NLGN4X: variants seen among roughly 807,000 people sequenced by gnomAD.
The protein encoded by NLGN4X is neuroligin 4 X-linked, also known as neuroligin-4, X-linked.
NLGN4X carries 3 observed loss-of-function variants against 40.3 expected under a neutral mutation model. The ratio of observed to expected loss-of-function variants is 0.07; its 90% CI spans 0.03 to 0.19. The LOEUF (loss-of-function observed/expected upper bound fraction) is 0.19, where lower values mean the gene tolerates loss of function less well. NLGN4X is among the 10% of genes least tolerant of loss of function. The probability of loss-of-function intolerance (pLI) is 1.00; values close to 1 mark genes in which losing one functional copy is unlikely to be tolerated. For synonymous variants in NLGN4X, 270 were observed against 306.8 expected, an observed-to-expected ratio of 0.88 and a Z score of 1.25; for missense variants, 382 against 708.3, an observed-to-expected ratio of 0.54 and a Z score of 5.23.
intron 2 of NLGN4X, among the ~76,000 whole-genome samples, chrX:6,076,802 G>T (rs1358342484): frequency 8.9e-6 from 1 of 112,245 alleles, no homozygotes; most frequent in African/African-American, 3.2e-5. Context: ...AATTCCTTGG[G>T]TCTTTACTAT....
rs771124404 is a variant in NLGN4X at position 5,891,560 on chromosome X, G to A, written c.*1257C>T. The A allele has an allele frequency of 7.3e-6, 2 of 273,999 alleles. No individual in the cohort carries two copies. The highest frequency in any genetic ancestry group is 2.9e-5 in the African/African-American group (1 of 35,020). The allele number at this position is 273,999 out of a possible 1,213,427, so 22.6% of individuals were successfully genotyped here. ...CGCAGCTGCTAGGGAACACAGAGCC[G>A]TATTTACTCCAAGGGGCATAGCCCC... On this transcript the variant is annotated 3_prime_UTR_variant, in exon 6 of 6. Transcript: ENST00000381095.
At chrX:5,898,017 C>T (rs1351562448) in intron 5 of NLGN4X, among the ~76,000 whole-genome samples, 1 of 99,026 alleles carries the variant, frequency 1.0e-5, no homozygotes, top group Non-Finnish European at 2.1e-5. Flanking sequence ...TTCCTTCCTC[C>T]CTCCCTTCCT....
chrX:5,971,773 T>C (rs2035026392), intron 3 of NLGN4X, among the ~76,000 whole-genome samples: 1 of 111,828 alleles, frequency 8.9e-6, no homozygotes, highest in African/African-American at 3.3e-5. Context: ...CTGGGTTTTA[T>C]ATGCAGCCTT....
chrX:5,954,642 C>G (rs1370793458), intron 3 of NLGN4X, among the ~76,000 whole-genome samples: 3 of 107,585 alleles, frequency 2.8e-5, no homozygotes, highest in East Asian at 2.9e-4. Flanking sequence ...CTGTCTCTCT[C>G]TCTCTCTCTC....
At chrX:6,045,191 T>A (rs1332075443) in intron 2 of NLGN4X, among the ~76,000 whole-genome samples, 1 of 112,262 alleles carries the variant, frequency 8.9e-6, no homozygotes, top group East Asian at 2.8e-4. Context: ...AAAATCAATA[T>A]ATTTGCAAAT....
chrX:5,973,242 T>C (rs754469544), intron 3 of NLGN4X, among the ~76,000 whole-genome samples: 1 of 112,345 alleles, frequency 8.9e-6, no homozygotes, highest in Admixed American at 9.4e-5. Flanking sequence ...AATACAGATT[T>C]ATTGGAAGAG....
At position 6,170,988 on chromosome X, in the gene NLGN4X, T is replaced by A. The variant is rs186434646; in HGVS notation, c.-305-19217A>T. Among the ~76,000 whole-genome samples the A allele has an allele frequency of 3.7e-3, 413 of 111,371 alleles. 1 individual carries two copies. Among genetic ancestry groups the A allele is most frequent in the Non-Finnish European group, 6.0e-3 (318 of 53,055 alleles). ...ACAGCCACACACCACCATGCCCAGATAATTTTTGAATTTTTTGTAGAGGTG... is the reference window on the plus strand; with the variant it reads ...ACAGCCACACACCACCATGCCCAGAAAATTTTTGAATTTTTTGTAGAGGTG... On this transcript the variant is annotated intron_variant, in intron 1 of 5. Coordinates refer to ENST00000381095, the MANE Select transcript of NLGN4X (RefSeq NM_181332.3).
intron 1 of NLGN4X, among the ~76,000 whole-genome samples, chrX:6,168,758 C>G (rs1429456131): frequency 9.0e-6 from 1 of 111,554 alleles, no homozygotes; most frequent in African/African-American, 3.3e-5. Context: ...AGGCGTGAGC[C>G]ACTGCACCTG....
chrX:5,980,945 C>T (rs1050251332), intron 3 of NLGN4X, among the ~76,000 whole-genome samples: 2 of 111,333 alleles, frequency 1.8e-5, no homozygotes, highest in African/African-American at 6.5e-5. Context: ...TAAAAGTCTA[C>T]TGTTATTTTA....
intron 1 of NLGN4X, among the ~76,000 whole-genome samples, chrX:6,154,460 TATC>T (rs916382683): frequency 6.3e-5 from 7 of 110,870 alleles, no homozygotes; most frequent in Non-Finnish European, 1.3e-4. Context: ...AAATGTGCAT[TATC>T]ATCATTAAAG....
At chrX:6,165,975 G>A (rs1273786562) in intron 1 of NLGN4X, among the ~76,000 whole-genome samples, 3 of 111,594 alleles carry the variant, frequency 2.7e-5, no homozygotes, top group African/African-American at 9.8e-5. Context: ...TTGCCACCCA[G>A]GAGTCTTTAG....
intron 1 of NLGN4X, among the ~76,000 whole-genome samples, chrX:6,184,103 A>T (rs139638562): frequency 0.017 from 1,868 of 112,350 alleles, 37 homozygotes; most frequent in African/African-American, 0.055. Flanking sequence ...GGCTAAATGG[A>T]AATAGTAGCA....
At chrX:5,989,016 C>T (rs999829753) in intron 3 of NLGN4X, among the ~76,000 whole-genome samples, 2 of 108,260 alleles carry the variant, frequency 1.8e-5, no homozygotes, top group African/African-American at 3.4e-5. Context: ...TATAGTGAGC[C>T]GTGATCATGC....
intron 1 of NLGN4X, among the ~76,000 whole-genome samples, chrX:6,199,725 T>A (rs1923426247): frequency 8.9e-6 from 1 of 112,165 alleles, no homozygotes; most frequent in South Asian, 3.7e-4. Context: ...AAATTTTCTA[T>A]GACATCATCT....
chrX:5,968,426 A>G (rs1259746573), intron 3 of NLGN4X, among the ~76,000 whole-genome samples: 1 of 38,583 alleles, frequency 2.6e-5, no homozygotes, highest in Non-Finnish European at 4.6e-5. Flanking sequence ...GCTGTCTTTG[A>G]TTGTAAGTAC....
chrX:6,030,394 ATG>A (rs35006258), intron 2 of NLGN4X, among the ~76,000 whole-genome samples: 24,490 of 99,930 alleles, frequency 0.25, 2,601 homozygotes, highest in African/African-American at 0.39. Context: ...GGATACAGAT[ATG>A]TGTGTGTGTG....
At chrX:5,922,540 G>A (rs1241397986) in intron 3 of NLGN4X, among the ~76,000 whole-genome samples, 1 of 111,501 alleles carries the variant, frequency 9.0e-6, no homozygotes, top group African/African-American at 3.3e-5. Flanking sequence ...GCCTCAAACT[G>A]TCTTTAAATT....
rs1319314037 is a variant in NLGN4X, at chrX:6,159,868, T to C, written c.-305-8097A>G. Reference sequence around the variant, plus strand: ...ATAACTGAAGCGAGACAATCCCTACTGCAGAAAATGGCAAGGTTTAGTGTG... The same window carrying C: ...ATAACTGAAGCGAGACAATCCCTACCGCAGAAAATGGCAAGGTTTAGTGTG... On this transcript the variant is annotated intron_variant, in intron 1 of 5. Coordinates refer to ENST00000381095, the MANE Select transcript of NLGN4X (RefSeq NM_181332.3). Among the ~76,000 whole-genome samples, 12 of 112,184 alleles carry C rather than the reference T, an allele frequency of 1.1e-4. No individual in the cohort carries two copies. In the Admixed American group the frequency reaches 1.1e-3, roughly 11 times the overall value.
chrX:6,174,475 T>C (rs1283520763), intron 1 of NLGN4X, among the ~76,000 whole-genome samples: 1 of 111,938 alleles, frequency 8.9e-6, no homozygotes, highest in Admixed American at 9.5e-5. Flanking sequence ...AAAAGACGCA[T>C]GCATTTGTAT....
Sources: gnomAD v4.1 joint callset for allele counts (sites outside exome capture counted in the v4.1 genomes callset) on GRCh38, gnomAD v4.1.1 for gene constraint, MANE v1.5 for transcripts, NCBI Gene and HGNC (gene_info 2026-07-23, HGNC 2026-07-21) for gene names.